Variants in ARHGAP19 observed in about 807,000 individuals in gnomAD.
ARHGAP19 encodes rho GTPase-activating protein 19.
In ARHGAP19, 48 loss-of-function variants were observed where a neutral mutation model predicts 60.9. The observed-to-expected ratio is 0.79, with a 90% CI of 0.62 to 1.00. The LOEUF (loss-of-function observed/expected upper bound fraction) is 1.00, where lower values mean the gene tolerates loss of function less well. Ranked by LOEUF, ARHGAP19 falls within the 50% of genes least tolerant of loss-of-function variation. The pLI, the probability that ARHGAP19 is intolerant of heterozygous loss-of-function variation, is 0.00. For synonymous variants in ARHGAP19, 209 were observed against 215.5 expected (o/e 0.97, Z 0.27); for missense variants, 562 against 597.2 (o/e 0.94, Z 0.61).
Position 97,281,924 on chromosome 10 carries a change from G to A in ARHGAP19, c.56+10648C>T, listed in dbSNP as rs186696657. Among the ~76,000 whole-genome samples the A allele has an allele frequency of 5.3e-5, 8 of 152,184 alleles. No individual in the cohort carries two copies. In the East Asian group the frequency reaches 1.2e-3, roughly 22 times the overall value. ...TTTTTAAGAAACATAAAATGTTTTCGCCACACATTAGTGGCCAGCCCTTTT... is the reference window on the plus strand; with the variant it reads ...TTTTTAAGAAACATAAAATGTTTTCACCACACATTAGTGGCCAGCCCTTTT... On this transcript the variant is annotated intron_variant, in intron 1 of 11. Transcript: ENST00000358531.
chr10:97,269,837 A>G (rs978731021), intron 1 of ARHGAP19, among the ~76,000 whole-genome samples: 6 of 152,238 alleles, frequency 3.9e-5, no homozygotes, highest in African/African-American at 1.4e-4. Context: ...AGAAACACAT[A>G]CATACCTAAA....
intron 1 of ARHGAP19, among the ~76,000 whole-genome samples, chr10:97,282,358 T>C (rs1843095672): frequency 6.6e-6 from 1 of 152,174 alleles, no homozygotes; most frequent in South Asian, 2.1e-4. Context: ...GGAAACCAGA[T>C]CTAAGACAGT....
chr10:97,290,128 A>G (rs1008466899), intron 1 of ARHGAP19, among the ~76,000 whole-genome samples: 2 of 151,922 alleles, frequency 1.3e-5, no homozygotes, highest in Non-Finnish European at 2.9e-5. Context: ...TTGTATGGGA[A>G]CTCTGTTTTC....
Position 97,266,034 on chromosome 10 carries a change from G to A in ARHGAP19, c.148C>T (p.Arg50Ter), listed in dbSNP as rs751208157. ...FNPDFFVEKL[R>*]HEKPEIFTEL... The stretch of plus-strand genomic sequence containing the variant: ...GTGAAAATCTCAGGTTTCTCATGTC[G>A]GAGTTTCTCCACAAAAAAGTCAGGA... Residue 50 changes from arginine to a stop codon, truncating the protein, a stop_gained, in exon 2 of 12, where the codon CGA becomes TGA. Transcript: ENST00000358531. LOFTEE classifies it high-confidence loss of function. 9.3e-6 allele frequency: 15 copies of A among 1,614,122 alleles called. No individual in the cohort carries two copies. Among genetic ancestry groups the A allele is most frequent in the African/African-American group, 1.3e-5 (1 of 75,014 alleles).
At chr10:97,255,437 C>T (rs1255212138) in intron 6 of ARHGAP19, among the ~76,000 whole-genome samples, 2 of 152,022 alleles carry the variant, frequency 1.3e-5, no homozygotes, top group East Asian at 1.9e-4. Context: ...ATCAGCCAGG[C>T]GTGGCAGTGT....
intron 8 of ARHGAP19, among the ~76,000 whole-genome samples, chr10:97,238,820 A>T (rs925005404): frequency 6.6e-6 from 1 of 152,206 alleles, no homozygotes; most frequent in Non-Finnish European, 1.5e-5. Flanking sequence ...GCAATGTCCT[A>T]GGTCTTCACA....
Position 97,292,594 on chromosome 10 carries a change from G to T in ARHGAP19, c.34C>A (p.Pro12Thr). 1 of 1,614,182 alleles carries T rather than the reference G, an allele frequency of 6.2e-7. No individual in the cohort carries two copies. The change falls in exon 1 of 12, where the codon CCA (proline) becomes ACA (threonine). Residue 12 changes from proline (P) to threonine (T), a missense_variant. Transcript: ENST00000358531. Reference sequence around the variant, plus strand: ...CACCTCCGGCCGGATTCGCGGGCTGGCACCTCCCCTTCACTCTGTGCCTCA... The same window carrying T: ...CACCTCCGGCCGGATTCGCGGGCTGTCACCTCCCCTTCACTCTGTGCCTCA... ...ATEAQSEGEV[P>T]ARESGRSDAI...
At chr10:97,252,280 T>C (rs1842694301) in intron 6 of ARHGAP19, among the ~76,000 whole-genome samples, 1 of 150,642 alleles carries the variant, frequency 6.6e-6, no homozygotes, top group Non-Finnish European at 1.5e-5. Context: ...TGAGCTGTGA[T>C]CATGCCACCA....
At chr10:97,230,837 G>A (rs746484143) in intron 9 of ARHGAP19, among the ~76,000 whole-genome samples, 18 of 152,054 alleles carry the variant, frequency 1.2e-4, no homozygotes, top group Admixed American at 7.9e-4. Flanking sequence ...ACGCTGAGGC[G>A]GGTGAATCGC....
intron 5 of ARHGAP19, among the ~76,000 whole-genome samples, chr10:97,259,129 T>C (rs1842793826): frequency 6.6e-6 from 1 of 152,244 alleles, no homozygotes; most frequent in Admixed American, 6.5e-5. Context: ...AAAATGAGTA[T>C]TCTAGTTTAT....
intron 1 of ARHGAP19, among the ~76,000 whole-genome samples, chr10:97,272,452 A>T (rs1374977739): frequency 4.6e-5 from 7 of 152,142 alleles, no homozygotes; most frequent in African/African-American, 1.7e-4. Flanking sequence ...TTCTGAAAAA[A>T]TTTATGTGAG....
At chr10:97,278,265 T>A (rs1040225076) in intron 1 of ARHGAP19, among the ~76,000 whole-genome samples, 13 of 152,190 alleles carry the variant, frequency 8.5e-5, no homozygotes, top group Non-Finnish European at 1.6e-4. Flanking sequence ...GAAGGAAAAA[T>A]CAGTTAAATC....
Position 97,291,225 on chromosome 10 carries a change from G to A in ARHGAP19, c.56+1347C>T, listed in dbSNP as rs565872547. Among the ~76,000 whole-genome samples, 6 of 152,222 alleles carry A rather than the reference G, an allele frequency of 3.9e-5. No individual in the cohort carries two copies. The East Asian group carries it at 1.2e-3, about 29-fold the overall frequency. ...GGTCCCCTCCCTTTGTGTGGGAGCT[G>A]TGTTTTCACTCTATTTCACTCTATG... On this transcript the variant is annotated intron_variant, in intron 1 of 11. Coordinates refer to ENST00000358531, the MANE Select transcript of ARHGAP19 (RefSeq NM_032900.6).
chr10:97,239,874 A>C (rs1842451420), intron 8 of ARHGAP19, among the ~76,000 whole-genome samples: 2 of 150,942 alleles, frequency 1.3e-5, no homozygotes, highest in Non-Finnish European at 3.0e-5. Flanking sequence ...TGCCTGGCTA[A>C]TTTTGTATTT....
chr10:97,292,528 C>G, intron 1 of ARHGAP19, 44 bp downstream of exon 1: 1 of 1,612,880 alleles, frequency 6.2e-7, no homozygotes, highest in South Asian at 1.1e-5. Context: ...GGACTACCAG[C>G]CCAAGGCCGC....
At chr10:97,254,174 T>C (rs1180018513) in intron 6 of ARHGAP19, among the ~76,000 whole-genome samples, 1 of 152,048 alleles carries the variant, frequency 6.6e-6, no homozygotes, top group African/African-American at 2.4e-5. Flanking sequence ...AGATAGAAAA[T>C]GCATCCTAAA....
chr10:97,266,598 T>C (rs1842901809), intron 1 of ARHGAP19, among the ~76,000 whole-genome samples: 1 of 152,174 alleles, frequency 6.6e-6, no homozygotes, highest in African/African-American at 2.4e-5. Flanking sequence ...TTAGTCCATT[T>C]TCATACTGCT....
At chr10:97,254,851 G>T (rs1167083193) in intron 6 of ARHGAP19, among the ~76,000 whole-genome samples, 1 of 152,082 alleles carries the variant, frequency 6.6e-6, no homozygotes, top group African/African-American at 2.4e-5. Flanking sequence ...AGCAAAATGT[G>T]GTATATACAC....
intron 1 of ARHGAP19, among the ~76,000 whole-genome samples, chr10:97,289,189 A>T (rs1374822022): frequency 6.9e-6 from 1 of 145,486 alleles, no homozygotes; most frequent in Non-Finnish European, 1.5e-5. Context: ...ATCTCAGCTC[A>T]CTGCAACCTC....
Sources: gnomAD v4.1 joint callset for allele counts (sites outside exome capture counted in the v4.1 genomes callset) on GRCh38, gnomAD v4.1.1 for gene constraint, MANE v1.5 for transcripts, NCBI Gene and HGNC (gene_info 2026-07-23, HGNC 2026-07-21) for gene names.